TACC3: variants seen among roughly 807,000 people sequenced by gnomAD.
TACC3 encodes the protein transforming acidic coiled-coil containing protein 3.
A neutral mutation model predicts 86.0 loss-of-function variants in TACC3; 52 were observed. The ratio of observed to expected loss-of-function variants is 0.60; its 90% CI spans 0.48 to 0.76. The LOEUF (loss-of-function observed/expected upper bound fraction) is 0.76. TACC3 is among the 30% of genes least tolerant of loss of function. The pLI is 0.00. For synonymous variants in TACC3, 512 were observed against 430.0 expected, an observed-to-expected ratio of 1.19 and a Z score of -2.36; for missense variants, 1,120 against 1,070.4, an observed-to-expected ratio of 1.05 and a Z score of -0.65.
chr4:1,730,522 C>G (rs1717950218), intron 4 of TACC3: 2 of 415,974 alleles, frequency 4.8e-6, no homozygotes, highest in Non-Finnish European at 9.6e-6. Context: ...GCCTTGGCCC[C>G]TGGGTGGCTT....
At chr4:1,740,122 C>T (rs918494998) in intron 12 of TACC3, 120 bp downstream of exon 12, 20 of 974,470 alleles carry the variant, frequency 2.1e-5, no homozygotes, top group Admixed American at 8.8e-5. Flanking sequence ...TCCTAACACA[C>T]GAGTCCCTTC....
intron 13 of TACC3, among the ~76,000 whole-genome samples, chr4:1,743,870 G>T (rs957015830): frequency 3.9e-5 from 6 of 152,254 alleles, no homozygotes; most frequent in Non-Finnish European, 7.3e-5. Flanking sequence ...CTGCATGCTG[G>T]GTAGGGGCTC....
At chr4:1,728,854 A>G in intron 4 of TACC3, 67 bp downstream of exon 4, 1 of 1,459,826 alleles carries the variant, frequency 6.9e-7, no homozygotes, top group Non-Finnish European at 9.2e-7. Flanking sequence ...GTGGTCCAGG[A>G]CCCGAGGCCA....
chr4:1,733,422 G>A (rs184360693), intron 6 of TACC3, among the ~76,000 whole-genome samples: 1 of 152,128 alleles, frequency 6.6e-6, no homozygotes, highest in Admixed American at 6.5e-5. Flanking sequence ...TTGCGGGGCC[G>A]AGGCAGGATT....
chr4:1,724,594 G>T (rs561868104), intron 3 of TACC3, among the ~76,000 whole-genome samples: 2 of 151,900 alleles, frequency 1.3e-5, no homozygotes, highest in South Asian at 4.2e-4. Flanking sequence ...ACTGCAAGTG[G>T]ATGGCGAGGC....
intron 3 of TACC3, among the ~76,000 whole-genome samples, chr4:1,727,099 C>G (rs1007580304): frequency 2.0e-5 from 3 of 151,900 alleles, no homozygotes; most frequent in Non-Finnish European, 2.9e-5. Flanking sequence ...CCATTACACT[C>G]CAGCCTTGGC....
chr4:1,739,195 C>T (rs1718437765), intron 10 of TACC3: 1 of 154,130 alleles, frequency 6.5e-6, no homozygotes, highest in Admixed American at 6.5e-5. Context: ...GTAGTCCCAC[C>T]TACTCGGGAG....
intron 13 of TACC3, among the ~76,000 whole-genome samples, chr4:1,743,305 A>C (rs1220352531): frequency 1.3e-5 from 2 of 151,264 alleles, no homozygotes; most frequent in Admixed American, 6.6e-5. Context: ...CTGTAATCCC[A>C]GCACTTTGGG....
chr4:1,727,831 G>C lies in TACC3; in HGVS notation c.429G>C (p.Glu143Asp), dbSNP rs1717767178. The change falls in exon 4 of 16, where the codon GAG becomes GAC. Residue 143 changes from glutamate (E) to aspartate (D), a missense_variant. Coordinates refer to ENST00000313288, the MANE Select transcript of TACC3 (RefSeq NM_006342.3). ...CCTTTGGGAGTGGCAGCTCCAGCGA[G>C]TCTGGCCCAGGTGCCCTGGCTGACC... ...SPAFGSGSSS[E>D]SGPGALADLD... 9 of 1,613,074 alleles carry C rather than the reference G, an allele frequency of 5.6e-6. No homozygotes were observed. The highest frequency in any genetic ancestry group is 7.6e-6 in the Non-Finnish European group (9 of 1,180,020).
chr4:1,726,524 TCTTGTTTTG>T (rs1320834174), intron 3 of TACC3, among the ~76,000 whole-genome samples: 5 of 152,186 alleles, frequency 3.3e-5, no homozygotes, highest in Admixed American at 3.3e-4. Context: ...GACTGAGCTT[TCTTGTTTTG>T]CTTGTAGCTG....
chr4:1,726,666 T>C (rs1717704188), intron 3 of TACC3, among the ~76,000 whole-genome samples: 1 of 152,116 alleles, frequency 6.6e-6, no homozygotes. Flanking sequence ...AAATAATGAT[T>C]ATATGACTTA....
At chr4:1,739,400 T>G in intron 10 of TACC3, 1 of 485,822 alleles carries the variant, frequency 2.1e-6, no homozygotes, top group South Asian at 3.2e-5. Context: ...GGACCCCTAG[T>G]ATCTGCCACT....
At chr4:1,727,267 C>T (rs910708531) in intron 3 of TACC3, among the ~76,000 whole-genome samples, 2 of 152,216 alleles carry the variant, frequency 1.3e-5, no homozygotes, top group Non-Finnish European at 2.9e-5. Context: ...CATCTGACCC[C>T]CCAGGCAGCA....
chr4:1,743,026 G>A (rs1718668961), intron 13 of TACC3, among the ~76,000 whole-genome samples: 1 of 152,132 alleles, frequency 6.6e-6, no homozygotes, highest in Non-Finnish European at 1.5e-5. Flanking sequence ...CACTTTGGGA[G>A]GCCAAGGCGG....
Position 1,744,520 on chromosome 4 carries a change from C to T in TACC3, c.2226C>T (p.Asn742=), listed in dbSNP as rs201248096. Residue 742 remains asparagine (N), a splice_region_variant and synonymous_variant, in exon 14 of 16, where the codon AAC becomes AAT. Transcript: ENST00000313288. ...AGCTAATGCCTGCCCCTTCCTAGAA[C>T]GAAGAGTCACTGAAGAAGTGCGTGG... The part of the protein sequence containing the change: ...QKEVIEGYRK[N]EESLKKCVED... 28 of 1,612,444 alleles carry T rather than the reference C, an allele frequency of 1.7e-5. No homozygotes were observed. Among genetic ancestry groups the T allele is most frequent in the African/African-American group, 5.3e-5 (4 of 74,914 alleles).
At position 1,745,027 on chromosome 4, in the gene TACC3, G is replaced by T. The variant is rs770095009; in HGVS notation, c.*14G>T. 4.9e-5 allele frequency: 78 copies of T among 1,595,990 alleles called. No homozygotes were observed. Among genetic ancestry groups the T allele is most frequent in the Non-Finnish European group, 6.7e-5 (78 of 1,171,838 alleles). On this transcript the variant is annotated 3_prime_UTR_variant, in exon 16 of 16. Transcript: ENST00000313288. ...GAGAAGATCTGACCTCCACGGAGCC[G>T]CTGTCCCCGCCCCCCTGCTCCCGTC...
intron 4 of TACC3, among the ~76,000 whole-genome samples, chr4:1,729,926 C>T (rs798764): frequency 0.76 from 116,207 of 152,202 alleles, 44,576 homozygotes; most frequent in East Asian, 0.86. Context: ...GGGAGCCCTC[C>T]AGTGGCCCTG....
chr4:1,730,982 G>A lies in TACC3; in HGVS notation c.1461+20G>A. On this transcript the variant is annotated intron_variant, in intron 5 of 15. Transcript: ENST00000313288. The stretch of plus-strand genomic sequence containing the variant: ...AGCAAGGTAAGGGGTGCTTGTGTGG[G>A]TACCTGTGCTCCTGGCCTGGTCGTG... 6.2e-7 allele frequency: 1 copy of A among 1,613,184 alleles called. No individual in the cohort carries two copies. Among genetic ancestry groups the A allele is most frequent in the Middle Eastern group, 1.6e-4 (1 of 6,062 alleles).
chr4:1,722,881 C>A (rs938761729), intron 1 of TACC3, among the ~76,000 whole-genome samples: 1 of 152,170 alleles, frequency 6.6e-6, no homozygotes, highest in East Asian at 1.9e-4. Context: ...CCCAGCTCCT[C>A]CTCTGGGCCT....
Sources: gnomAD v4.1 joint callset for allele counts (sites outside exome capture counted in the v4.1 genomes callset) on GRCh38, gnomAD v4.1.1 for gene constraint, MANE v1.5 for transcripts, NCBI Gene and HGNC (gene_info 2026-07-23, HGNC 2026-07-21) for gene names.